The following GALNT13 variants were observed in gnomAD, a reference collection of about 807,000 sequenced individuals.
GALNT13 encodes the protein UDP-GalNAc:polypeptide N-acetylgalactosaminyltransferase 13.
Under a neutral mutation model 64.2 loss-of-function variants are expected in GALNT13, and 28 were observed. The observed-to-expected ratio is 0.44, with a 90% CI of 0.32 to 0.60. The LOEUF (loss-of-function observed/expected upper bound fraction) is 0.60, where lower values mean the gene tolerates loss of function less well. Ranked by LOEUF, GALNT13 falls within the 20% of genes least tolerant of loss-of-function variation. The pLI is 0.05. For missense variants in GALNT13, 577 were observed against 669.8 expected (o/e 0.86, Z 1.53); for synonymous variants, 214 against 224.6 (o/e 0.95, Z 0.42).
intron 7 of GALNT13, among the ~76,000 whole-genome samples, chr2:154,249,339 C>T (rs920315445): frequency 6.6e-6 from 1 of 152,148 alleles, no homozygotes; most frequent in East Asian, 1.9e-4. Flanking sequence ...GCACTGGCCA[C>T]AGGTATGCTC....
chr2:154,035,521 T>G (rs1318574986), intron 3 of GALNT13, among the ~76,000 whole-genome samples: 2 of 152,086 alleles, frequency 1.3e-5, no homozygotes, highest in Non-Finnish European at 2.9e-5. Context: ...ATAAATAATG[T>G]ATGATTAATT....
chr2:153,950,069 A>AT (rs1039752992), intron 3 of GALNT13, among the ~76,000 whole-genome samples: 1 of 59,380 alleles, frequency 1.7e-5, no homozygotes, highest in Non-Finnish European at 3.5e-5. Context: ...ATTACTGCAA[A>AT]AAAATTGATA....
At chr2:153,540,172 A>G in the GALNT13 span, among the ~76,000 whole-genome samples, 1 of 152,168 alleles carries the variant, frequency 6.6e-6, no homozygotes, top group East Asian at 1.9e-4. Context: ...TGCAGCCTAG[A>G]GACTTGGTGT....
chr2:153,766,363 T>C, the GALNT13 span, among the ~76,000 whole-genome samples: 1 of 152,196 alleles, frequency 6.6e-6, no homozygotes, highest in Non-Finnish European at 1.5e-5. Flanking sequence ...TGAATTTAAC[T>C]GGAGAATTTG....
the GALNT13 span, among the ~76,000 whole-genome samples, chr2:153,112,445 C>T: frequency 6.6e-6 from 1 of 151,266 alleles, no homozygotes; most frequent in Non-Finnish European, 1.5e-5. Flanking sequence ...CATCCACCTA[C>T]TCAGCTATTT....
At chr2:153,797,866 T>G in the GALNT13 span, among the ~76,000 whole-genome samples, 1 of 152,280 alleles carries the variant, frequency 6.6e-6, no homozygotes, top group Non-Finnish European at 1.5e-5. Flanking sequence ...ACAATGATTT[T>G]TTTTGTCCAA....
chr2:153,070,600 C>T, the GALNT13 span, among the ~76,000 whole-genome samples: 2 of 152,076 alleles, frequency 1.3e-5, no homozygotes, highest in East Asian at 1.9e-4. Flanking sequence ...ACTTTCTCCT[C>T]GATTTTTCTG....
intron 10 of GALNT13, 91 bp downstream of exon 10, chr2:154,396,221 G>C: frequency 1.3e-6 from 1 of 760,282 alleles, no homozygotes; most frequent in Non-Finnish European, 1.9e-6. Context: ...TTATGAAAAT[G>C]CTGTAAGGGA....
chr2:153,565,872 G>C, the GALNT13 span, among the ~76,000 whole-genome samples: 2 of 151,504 alleles, frequency 1.3e-5, no homozygotes, highest in Non-Finnish European at 2.9e-5. Flanking sequence ...TCCTCCCTCT[G>C]TTTGGTTTAT....
chr2:153,900,660 T>C (rs1688175969), intron 1 of GALNT13, among the ~76,000 whole-genome samples: 1 of 152,208 alleles, frequency 6.6e-6, no homozygotes, highest in Non-Finnish European at 1.5e-5. Context: ...TGGGGGGCAC[T>C]GTGTTTCTTG....
chr2:154,273,063 G>C (rs1421377090), intron 8 of GALNT13, among the ~76,000 whole-genome samples: 1 of 152,074 alleles, frequency 6.6e-6, no homozygotes, highest in African/African-American at 2.4e-5. Flanking sequence ...CCCTGGTCTC[G>C]GTTTCCTAGA....
At chr2:153,561,681 T>C in the GALNT13 span, among the ~76,000 whole-genome samples, 13 of 137,446 alleles carry the variant, frequency 9.5e-5, no homozygotes, top group African/African-American at 3.8e-4. Context: ...TGTGTATTAA[T>C]CACCACTTAG....
intron 8 of GALNT13, among the ~76,000 whole-genome samples, chr2:154,267,246 T>C (rs1010470192): frequency 2.0e-5 from 3 of 152,170 alleles, no homozygotes; most frequent in African/African-American, 7.2e-5. Context: ...GAAGAACTTG[T>C]GTAACCATTG....
At chr2:154,431,122 A>G (rs1466520664) in intron 11 of GALNT13, among the ~76,000 whole-genome samples, 2 of 152,172 alleles carry the variant, frequency 1.3e-5, no homozygotes, top group African/African-American at 4.8e-5. Flanking sequence ...ATGTACATAC[A>G]TACACACTCA....
At chr2:153,394,602 A>T in the GALNT13 span, among the ~76,000 whole-genome samples, 3 of 152,128 alleles carry the variant, frequency 2.0e-5, no homozygotes, top group Non-Finnish European at 2.9e-5. Flanking sequence ...GAATATTCTC[A>T]TCATAAAGGA....
At chr2:154,349,078 G>T (rs1479402538) in intron 9 of GALNT13, among the ~76,000 whole-genome samples, 1 of 152,166 alleles carries the variant, frequency 6.6e-6, no homozygotes, top group Non-Finnish European at 1.5e-5. Flanking sequence ...CATATGTGCT[G>T]TATTAATCAA....
the GALNT13 span, among the ~76,000 whole-genome samples, chr2:153,144,812 C>A: frequency 2.0e-5 from 3 of 151,822 alleles, no homozygotes; most frequent in African/African-American, 4.8e-5. Context: ...TTACCAGTTT[C>A]TTGCCGAGTT....
chr2:154,066,349 A>G (rs1349908271), intron 3 of GALNT13, among the ~76,000 whole-genome samples: 1 of 152,180 alleles, frequency 6.6e-6, no homozygotes, highest in Non-Finnish European at 1.5e-5. Flanking sequence ...CAAAACATGG[A>G]AAAAGATATC....
At chr2:154,238,163 A>G (rs1468482340) in intron 4 of GALNT13, among the ~76,000 whole-genome samples, 1 of 152,048 alleles carries the variant, frequency 6.6e-6, no homozygotes, top group Non-Finnish European at 1.5e-5. Context: ...GCAGGACTTT[A>G]TAGTACCAAG....
Sources: allele counts gnomAD v4.1 joint callset (sites outside exome capture counted in the v4.1 genomes callset), GRCh38; gene constraint gnomAD v4.1.1; transcripts MANE v1.5; gene names NCBI Gene and HGNC (gene_info 2026-07-23, HGNC 2026-07-21).